The following RPTOR variants were observed in gnomAD, a reference collection of about 807,000 sequenced individuals.
The protein encoded by RPTOR is regulatory associated protein of MTOR complex 1, also known as regulatory-associated protein of mTOR.
A neutral mutation model predicts 169.9 loss-of-function variants in RPTOR; 21 were observed. That is an observed-to-expected ratio of 0.12 (90% CI 0.09 to 0.18). RPTOR has a LOEUF of 0.18. Ranked by LOEUF, RPTOR falls within the 10% of genes least tolerant of loss-of-function variation. RPTOR has a pLI of 1.00. For synonymous variants in RPTOR, 732 were observed against 753.2 expected, an observed-to-expected ratio of 0.97 and a Z score of 0.46; for missense variants, 1,133 against 1,855.9, an observed-to-expected ratio of 0.61 and a Z score of 7.16.
Position 80,936,909 on chromosome 17 carries a change from C to T in RPTOR, c.2920-3587C>T, listed in dbSNP as rs181135981. Among the ~76,000 whole-genome samples the T allele has an allele frequency of 1.3e-5, 2 of 152,332 alleles. No individual in the cohort carries two copies. ...ATTTGTGGTAACACAAAGGCTGTGT[C>T]CTTGGACGTAATGTACACGAGACAC... On this transcript the variant is annotated intron_variant, in intron 24 of 33. Coordinates refer to ENST00000306801, the MANE Select transcript of RPTOR (RefSeq NM_020761.3). This position sits in a 1 kb window ranked among gnomAD's most constrained non-coding sequence, Gnocchi z 4.1.
intron 5 of RPTOR, among the ~76,000 whole-genome samples, chr17:80,735,230 C>G (rs1340870139): frequency 6.6e-6 from 1 of 152,146 alleles, no homozygotes; most frequent in Non-Finnish European, 1.5e-5. Flanking sequence ...TAACCACATC[C>G]ATTATCGATA....
intron 6 of RPTOR, among the ~76,000 whole-genome samples, chr17:80,765,377 C>T (rs774978661): frequency 6.6e-6 from 1 of 152,188 alleles, no homozygotes; most frequent in Non-Finnish European, 1.5e-5. Context: ...AGGTCAAAGG[C>T]TTCACTTCTC....
intron 3 of RPTOR, among the ~76,000 whole-genome samples, chr17:80,670,597 G>A (rs2065814298): frequency 6.6e-6 from 1 of 152,094 alleles, no homozygotes; most frequent in African/African-American, 2.4e-5. Flanking sequence ...CCACTTGACT[G>A]TGAGCTGTAG....
chr17:80,674,809 AAAAAAAAAAAAAAAAAC>A (rs1381725042), intron 3 of RPTOR, among the ~76,000 whole-genome samples: 36 of 148,142 alleles, frequency 2.4e-4, no homozygotes, highest in African/African-American at 8.6e-4. Flanking sequence ...AAAAAAAAAA[AAAAAAAAAAAAAAAAAC>A]AACTTCTCAA....
chr17:80,691,291 TGTC>T (rs1328705351), intron 3 of RPTOR, among the ~76,000 whole-genome samples: 1 of 109,914 alleles, frequency 9.1e-6, no homozygotes, highest in African/African-American at 5.6e-5. Context: ...TGTGTGTGCA[TGTC>T]GTGTGTGTGT....
chr17:80,922,860 G>T, intron 22 of RPTOR, 33 bp downstream of exon 22: 1 of 1,524,488 alleles, frequency 6.6e-7, no homozygotes, highest in Non-Finnish European at 8.8e-7. Flanking sequence ...GCAGGTCCGT[G>T]GTGGTGACCG....
rs118124739 is a variant in RPTOR at position 80,795,858 on chromosome 17, G to A, written c.890+4349G>A. Among the ~76,000 whole-genome samples, 221 of 152,282 alleles carry A rather than the reference G, an allele frequency of 1.5e-3. 2 individuals are homozygous for A. In the East Asian group the frequency reaches 0.032, roughly 22 times the overall value. ...CTGACACGACCTTGGCTCTCAGCCC[G>A]TGTCCGCCTCCCGCCAGACACTTCT... is the stretch of plus-strand genomic sequence containing the variant. On this transcript the variant is annotated intron_variant, in intron 7 of 33. Coordinates refer to ENST00000306801, the MANE Select transcript of RPTOR (RefSeq NM_020761.3).
chr17:80,843,737 TC>T (rs2067696330), intron 10 of RPTOR, among the ~76,000 whole-genome samples: 1 of 152,162 alleles, frequency 6.6e-6, no homozygotes, highest in Non-Finnish European at 1.5e-5. Flanking sequence ...TCTCAGAATG[TC>T]CAGATGGTGA....
At chr17:80,560,580 T>G (rs9905427) in intron 1 of RPTOR, among the ~76,000 whole-genome samples, 93,636 of 151,372 alleles carry the variant, frequency 0.62, 29,612 homozygotes, top group Middle Eastern at 0.71. Flanking sequence ...TGGAAGGGAG[T>G]GGGGTGGAAG....
At chr17:80,628,818 T>C (rs1406432511) in intron 2 of RPTOR, among the ~76,000 whole-genome samples, 2 of 152,236 alleles carry the variant, frequency 1.3e-5, no homozygotes, top group Non-Finnish European at 2.9e-5. Flanking sequence ...GCTTCTTGGA[T>C]GTGTAGTTTG....
intron 20 of RPTOR, among the ~76,000 whole-genome samples, chr17:80,906,948 C>T (rs993050044): frequency 3.9e-5 from 6 of 152,174 alleles, no homozygotes; most frequent in Non-Finnish European, 5.9e-5. Context: ...GACACTGGCC[C>T]GCCATATCTG....
At chr17:80,864,022 G>A (rs760392347) in intron 13 of RPTOR, among the ~76,000 whole-genome samples, 48 of 152,280 alleles carry the variant, frequency 3.2e-4, no homozygotes, top group Non-Finnish European at 4.1e-4. Flanking sequence ...GCGGGACAAC[G>A]GCAAGTGACA....
intron 24 of RPTOR, among the ~76,000 whole-genome samples, chr17:80,932,781 T>C (rs2068913863): frequency 6.6e-6 from 1 of 152,022 alleles, no homozygotes; most frequent in Non-Finnish European, 1.5e-5. Flanking sequence ...CCAGCAAAGA[T>C]CCCAAATCAT....
intron 7 of RPTOR, chr17:80,805,358 G>A (rs11651724): frequency 0.093 from 14,224 of 152,376 alleles, 928 homozygotes; most frequent in Non-Finnish European, 0.12. Flanking sequence ...TGAGAGTGGC[G>A]TCTGGAGACA....
intron 1 of RPTOR, among the ~76,000 whole-genome samples, chr17:80,598,590 A>G (rs1473608329): frequency 6.6e-6 from 1 of 152,204 alleles, no homozygotes; most frequent in Non-Finnish European, 1.5e-5. Context: ...CCTTGAGTCC[A>G]AGTTGCTGAT....
intron 13 of RPTOR, among the ~76,000 whole-genome samples, chr17:80,869,969 A>G (rs2068034586): frequency 6.6e-6 from 1 of 152,164 alleles, no homozygotes. Flanking sequence ...CACACTTTGC[A>G]AGGATGGTGG....
chr17:80,917,407 C>G (rs1382416749), intron 21 of RPTOR, among the ~76,000 whole-genome samples: 1 of 152,198 alleles, frequency 6.6e-6, no homozygotes, highest in East Asian at 1.9e-4. Context: ...AGCCACTGCA[C>G]CCGGCCATGG....
chr17:80,571,693 G>A (rs75161271), intron 1 of RPTOR, among the ~76,000 whole-genome samples: 1 of 152,098 alleles, frequency 6.6e-6, no homozygotes, highest in African/African-American at 2.4e-5. Flanking sequence ...GCTAATTTTT[G>A]CATTTTTTGT....
In RPTOR at chr17:80,774,845, T is replaced by C. The variant is rs537820790; in HGVS notation, c.831-16605T>C. ...AAGGAGGCTGCGGACACAGTGTCTGTCCTCAAGTCATTCATCATTCCCTTT... is the reference window on the plus strand; with the variant it reads ...AAGGAGGCTGCGGACACAGTGTCTGCCCTCAAGTCATTCATCATTCCCTTT... On this transcript the variant is annotated intron_variant, in intron 6 of 33. Coordinates refer to ENST00000306801, the MANE Select transcript of RPTOR (RefSeq NM_020761.3). Among the ~76,000 whole-genome samples the C allele has an allele frequency of 2.6e-4, 39 of 152,318 alleles. 1 individual carries two copies. Among genetic ancestry groups the C allele is most frequent in the Non-Finnish European group, 5.1e-4 (35 of 68,020 alleles).
Sources: gnomAD v4.1 joint callset for allele counts (sites outside exome capture counted in the v4.1 genomes callset) on GRCh38, gnomAD v4.1.1 for gene constraint, Gnocchi (gnomAD v3.1) non-coding constraint, MANE v1.5 for transcripts, NCBI Gene and HGNC (gene_info 2026-07-23, HGNC 2026-07-21) for gene names.